Variants in C3orf33 observed in about 807,000 individuals in gnomAD.
C3orf33 encodes the protein mitochondrial inner membrane subdomain organizer 1, also known as AP-1 activity suppressor.
C3orf33 carries 23 observed loss-of-function variants against 28.7 expected under a neutral mutation model. The ratio of observed to expected loss-of-function variants is 0.80; its 90% CI spans 0.58 to 1.13. The LOEUF is 1.13. Ranked by LOEUF, C3orf33 falls within the 50% of genes most tolerant of loss-of-function variation. The pLI, the probability that C3orf33 is intolerant of heterozygous loss-of-function variation, is 0.00. For synonymous variants in C3orf33, 119 were observed against 120.5 expected, an observed-to-expected ratio of 0.99 and a Z score of 0.08; for missense variants, 327 against 353.4, an observed-to-expected ratio of 0.93 and a Z score of 0.60.
intron 3 of C3orf33, among the ~76,000 whole-genome samples, chr3:155,769,894 A>G (rs1010527926): frequency 9.2e-5 from 14 of 152,180 alleles, no homozygotes; most frequent in African/African-American, 2.7e-4. Flanking sequence ...CCTCTGATTG[A>G]TCCCCAACCT....
At chr3:155,793,714 G>C (rs1435300132) in intron 2 of C3orf33, among the ~76,000 whole-genome samples, 1 of 147,742 alleles carries the variant, frequency 6.8e-6, no homozygotes, top group Non-Finnish European at 1.5e-5. Context: ...GGAGGCTAAG[G>C]CAGGAGAATC....
chr3:155,775,437 C>T (rs980175349), intron 3 of C3orf33, among the ~76,000 whole-genome samples: 5 of 149,440 alleles, frequency 3.3e-5, no homozygotes, highest in Non-Finnish European at 5.9e-5. Flanking sequence ...TGCAGTGAGC[C>T]GAAATTGCAC....
chr3:155,773,352 G>A lies in C3orf33; in HGVS notation c.322+2349C>T, dbSNP rs148072858. Among the ~76,000 whole-genome samples, 620 of 152,298 alleles carry A rather than the reference G, an allele frequency of 4.1e-3. 5 individuals are homozygous for A. Among genetic ancestry groups the A allele is most frequent in the African/African-American group, 0.014 (575 of 41,556 alleles). On this transcript the variant is annotated intron_variant, in intron 3 of 4. Transcript: ENST00000340171. ...CATTAGCACTATCATGACATTTGTA[G>A]CGGTTAATATCTGTTGAGAGGTATA...
chr3:155,802,929 A>G (rs1751693479), intron 1 of C3orf33, among the ~76,000 whole-genome samples: 1 of 152,138 alleles, frequency 6.6e-6, no homozygotes, highest in Non-Finnish European at 1.5e-5. Flanking sequence ...ATATGTATAT[A>G]GTATTGGATT....
At chr3:155,804,738 C>T (rs929268257) in intron 1 of C3orf33, among the ~76,000 whole-genome samples, 2 of 152,150 alleles carry the variant, frequency 1.3e-5, no homozygotes, top group African/African-American at 4.8e-5. Context: ...TCTTCAGTAG[C>T]TTTTCTCACT....
chr3:155,803,426 G>A (rs374734008), intron 1 of C3orf33, among the ~76,000 whole-genome samples: 4 of 151,666 alleles, frequency 2.6e-5, no homozygotes, highest in African/African-American at 9.7e-5. Flanking sequence ...TTAGCCGGGC[G>A]TGGTGGTGGG....
chr3:155,768,790 C>A (rs1457842684), intron 3 of C3orf33, among the ~76,000 whole-genome samples: 1 of 152,122 alleles, frequency 6.6e-6, no homozygotes, highest in Non-Finnish European at 1.5e-5. Flanking sequence ...CTTCTTAAAA[C>A]CTGTCCTAGA....
chr3:155,802,531 C>T lies in C3orf33; in HGVS notation c.174+1G>A. The T allele has an allele frequency of 6.2e-7, 1 of 1,600,732 alleles. No homozygotes were observed. The highest frequency in any genetic ancestry group is 8.5e-7 in the Non-Finnish European group (1 of 1,174,976). ...AATGTCTTTTTCATTTTTTAACTTA[C>T]CAGTCGAATGCTTCTCAAAAGTAAC... On this transcript the variant is annotated splice_donor_variant, in intron 2 of 4. Transcript: ENST00000340171. LOFTEE classifies it high-confidence loss of function.
At position 155,763,865 on chromosome 3, in the gene C3orf33, G is replaced by T; in HGVS notation, c.537C>A (p.Gly179=). The part of the protein sequence containing the change: ...LNEEILRRGL[G]KTVLVKGLKY... ...TAAGCCCTTTAACAAGAACAGTTTTGCCAAGGCCTCTTCTCAAAATTTCTT... is the reference window on the plus strand; with the variant it reads ...TAAGCCCTTTAACAAGAACAGTTTTTCCAAGGCCTCTTCTCAAAATTTCTT... The change falls in exon 5 of 5, where the codon GGC becomes GGA. Residue 179 remains glycine, a synonymous_variant. Transcript: ENST00000340171. 6.6e-7 allele frequency: 1 copy of T among 1,513,616 alleles called. No individual in the cohort carries two copies. Among genetic ancestry groups the T allele is most frequent in the Non-Finnish European group, 8.8e-7 (1 of 1,136,418 alleles). 93.8% of individuals were successfully genotyped at this position (1,513,616 alleles called of 1,614,324 possible).
At chr3:155,769,840 C>T (rs1750528428) in intron 3 of C3orf33, among the ~76,000 whole-genome samples, 1 of 152,176 alleles carries the variant, frequency 6.6e-6, no homozygotes, top group African/African-American at 2.4e-5. Context: ...TCAGATAAAT[C>T]CATGGAGTGG....
At chr3:155,764,531 AT>A (rs72305331) in intron 4 of C3orf33, among the ~76,000 whole-genome samples, 5,187 of 148,568 alleles carry the variant, frequency 0.035, 280 homozygotes, top group African/African-American at 0.12. Flanking sequence ...GATAAATGGG[AT>A]TTTTTTTTTT....
chr3:155,804,879 C>T (rs1250092420), intron 1 of C3orf33, among the ~76,000 whole-genome samples: 1 of 152,202 alleles, frequency 6.6e-6, no homozygotes, highest in Non-Finnish European at 1.5e-5. Flanking sequence ...CCAAGGACAG[C>T]ATCTACAATT....
At chr3:155,795,951 A>G (rs527321620) in intron 2 of C3orf33, among the ~76,000 whole-genome samples, 1 of 152,102 alleles carries the variant, frequency 6.6e-6, no homozygotes, top group East Asian at 1.9e-4. Flanking sequence ...GCAAGACTCC[A>G]TCTAAAAAAA....
rs10654812 is a variant in C3orf33 at position 155,776,759 on chromosome 3, CAAAAAAAAAAAA to C, written c.175-923_175-912del. Among the ~76,000 whole-genome samples, 189 of 86,906 alleles carry C rather than the reference CAAAAAAAAAAAA, an allele frequency of 2.2e-3. 3 individuals carry two copies. In the South Asian group the frequency reaches 0.042, roughly 19 times the overall value. 57.0% of individuals were successfully genotyped at this position (86,906 alleles called of 152,430 possible). ...TGACAGAGCGAGAACCTGACTCTGTCAAAAAAAAAAAAAAAAAAAAAAAAAGAATAAATTAGT... is the reference window on the plus strand; with the variant it reads ...TGACAGAGCGAGAACCTGACTCTGTCAAAAAAAAAAAAAGAATAAATTAGT... On this transcript the variant is annotated intron_variant, in intron 2 of 4. Coordinates refer to ENST00000340171, the MANE Select transcript of C3orf33 (RefSeq NM_001308229.2).
intron 2 of C3orf33, among the ~76,000 whole-genome samples, chr3:155,792,115 G>A (rs987750066): frequency 2.6e-5 from 4 of 152,074 alleles, no homozygotes; most frequent in Admixed American, 2.6e-4. Flanking sequence ...CCAGCTCCAG[G>A]CACCTTGACA....
At chr3:155,769,983 T>C (rs185434814) in intron 3 of C3orf33, among the ~76,000 whole-genome samples, 4 of 152,318 alleles carry the variant, frequency 2.6e-5, no homozygotes, top group Admixed American at 6.5e-5. Flanking sequence ...TGCACATTTT[T>C]AGCCTTTTTT....
intron 2 of C3orf33, among the ~76,000 whole-genome samples, chr3:155,782,459 C>T (rs1163050888): frequency 6.6e-6 from 1 of 151,980 alleles, no homozygotes; most frequent in Non-Finnish European, 1.5e-5. Flanking sequence ...AAGATATTAG[C>T]AAACTGAATA....
chr3:155,805,158 TAAAAAAAAAA>T (rs57906262), intron 1 of C3orf33, among the ~76,000 whole-genome samples: 11 of 141,698 alleles, frequency 7.8e-5, no homozygotes, highest in Admixed American at 1.4e-4. Flanking sequence ...GTGCTTCACT[TAAAAAAAAAA>T]AAAAAAAAAA....
In C3orf33 at chr3:155,802,600, A is replaced by C; in HGVS notation, c.115-9T>G. ...ATTCCAGTGCTGATGTTCTACAGAA[A>C]GAGATTTAAGGGTTAACCCTCACTA... On this transcript the variant is annotated splice_polypyrimidine_tract_variant and intron_variant, in intron 1 of 4. Coordinates refer to ENST00000340171, the MANE Select transcript of C3orf33 (RefSeq NM_001308229.2). The C allele has an allele frequency of 6.3e-7, 1 of 1,587,568 alleles. No homozygotes were observed. Among genetic ancestry groups the C allele is most frequent in the Non-Finnish European group, 8.5e-7 (1 of 1,171,652 alleles).
Sources: allele counts gnomAD v4.1 joint callset (sites outside exome capture counted in the v4.1 genomes callset), GRCh38; gene constraint gnomAD v4.1.1; transcripts MANE v1.5; gene names NCBI Gene and HGNC (gene_info 2026-07-23, HGNC 2026-07-21).